Variants in HELZ observed in about 807,000 individuals in gnomAD.
The protein encoded by HELZ is ATP-dependent RNA helicase with zinc finger domain.
A neutral mutation model predicts 218.2 loss-of-function variants in HELZ; 23 were observed. That is an observed-to-expected ratio of 0.11 (90% CI 0.08 to 0.15). The LOEUF is 0.15. Among genes scored for constraint, HELZ ranks in the 10% least tolerant of loss-of-function variants. The pLI is 1.00. For missense variants in HELZ, 1,813 were observed against 2,353.7 expected (o/e 0.77, Z 4.75); for synonymous variants, 814 against 829.4 (o/e 0.98, Z 0.32).
intron 17 of HELZ, among the ~76,000 whole-genome samples, chr17:67,156,579 G>A (rs1327671115): frequency 1.3e-5 from 2 of 151,982 alleles, no homozygotes; most frequent in Non-Finnish European, 2.9e-5. Flanking sequence ...TACCTGACTT[G>A]GCAGCATGCA....
chr17:67,187,569 T>C (rs2039789864), intron 12 of HELZ, among the ~76,000 whole-genome samples: 1 of 152,236 alleles, frequency 6.6e-6, no homozygotes, highest in Non-Finnish European at 1.5e-5. Context: ...AAAAGCAAGT[T>C]TCACACAGCT....
At chr17:67,097,572 C>A (rs1374117761) in intron 31 of HELZ, among the ~76,000 whole-genome samples, 1 of 152,120 alleles carries the variant, frequency 6.6e-6, no homozygotes, top group Non-Finnish European at 1.5e-5. Context: ...TCCTATACAT[C>A]CATATACAAG....
Position 67,237,769 on chromosome 17 carries a change from ACT to A in HELZ, c.-19+1662_-19+1663del, listed in dbSNP as rs1247732138. Among the ~76,000 whole-genome samples, 8 of 150,026 alleles carry A rather than the reference ACT, an allele frequency of 5.3e-5. No homozygotes were observed. In the East Asian group the frequency reaches 6.0e-4, roughly 11 times the overall value. ...TTTGGGAGGCCAAGGCGGGTGGATCACTTGAGGTCAGGAGTTCGAGACCAGCC... is the reference window on the plus strand; with the variant it reads ...TTTGGGAGGCCAAGGCGGGTGGATCATGAGGTCAGGAGTTCGAGACCAGCC... On this transcript the variant is annotated intron_variant, in intron 3 of 32. Coordinates refer to ENST00000358691, the MANE Select transcript of HELZ (RefSeq NM_014877.4).
In HELZ at chr17:67,188,484, T is replaced by C. The variant is rs2039815922; in HGVS notation, c.997A>G (p.Ile333Val). The change falls in exon 12 of 33, where the codon ATA becomes GTA. Residue 333 changes from isoleucine to valine, a missense_variant. Around this residue, in one of 4 missense-constraint regions of HELZ, gnomAD observed 714 missense variants for 1,029.2 expected, o/e 0.69. Transcript: ENST00000358691. This position sits in a 1 kb window ranked among gnomAD's most constrained non-coding sequence, Gnocchi z 4.1. ...CCATTTTGGGCCATCTTTCCTCCTA[T>C]CCATTCTTGACAGTTTTCTGGGACT... is the stretch of plus-strand genomic sequence containing the variant. ...QEVPENCQEW[I>V]GGKMAQNGLD... 1.9e-6 allele frequency: 3 copies of C among 1,613,988 alleles called. No individual in the cohort carries two copies. The highest frequency in any genetic ancestry group is 1.1e-5 in the South Asian group (1 of 91,080).
chr17:67,103,111 A>G (rs553094432), intron 31 of HELZ, among the ~76,000 whole-genome samples: 2 of 152,318 alleles, frequency 1.3e-5, no homozygotes, highest in East Asian at 3.9e-4. Flanking sequence ...TAAAAACATC[A>G]TAAGTGATAT....
intron 21 of HELZ, among the ~76,000 whole-genome samples, chr17:67,143,537 C>T (rs2038399377): frequency 6.6e-6 from 1 of 151,962 alleles, no homozygotes; most frequent in African/African-American, 2.4e-5. Context: ...GATCACCTGA[C>T]CCCAGGAGGT....
intron 5 of HELZ, among the ~76,000 whole-genome samples, chr17:67,211,774 T>C (rs2040456903): frequency 6.6e-6 from 1 of 151,964 alleles, no homozygotes. Flanking sequence ...GACAGGAGAA[T>C]TGCTTGAGCC....
intron 24 of HELZ, among the ~76,000 whole-genome samples, chr17:67,125,203 T>C (rs770893330): frequency 6.4e-5 from 9 of 141,686 alleles, no homozygotes; most frequent in East Asian, 5.9e-4. Flanking sequence ...AAAAGCCTCA[T>C]GAAGTCAGAA....
intron 23 of HELZ, among the ~76,000 whole-genome samples, chr17:67,132,218 CTGTGTGTG>C (rs57691319): frequency 4.7e-5 from 7 of 147,876 alleles, no homozygotes; most frequent in African/African-American, 1.7e-4. Flanking sequence ...CCTTAGGTCA[CTGTGTGTG>C]TGTGTGTGTG....
chr17:67,140,180 C>T (rs536996513), intron 21 of HELZ, among the ~76,000 whole-genome samples: 2 of 152,186 alleles, frequency 1.3e-5, no homozygotes, highest in African/African-American at 4.8e-5. Flanking sequence ...GATGGAAGCA[C>T]CTGGATGGCA....
intron 3 of HELZ, among the ~76,000 whole-genome samples, chr17:67,223,502 G>A (rs1187969577): frequency 6.6e-6 from 1 of 152,164 alleles, no homozygotes; most frequent in African/African-American, 2.4e-5. Context: ...TGTAATCCCA[G>A]CACTTTGGGA....
rs1052288964 is a variant in HELZ, at chr17:67,077,128, T to C, written c.*1124A>G. ...AATTGAAAGACATGAAAAACAAGGG[T>C]AGTTTTCTGCCCCAGATTCTGATGA... On this transcript the variant is annotated 3_prime_UTR_variant, in exon 33 of 33. Transcript: ENST00000358691. The C allele has an allele frequency of 6.6e-6, 1 of 152,480 alleles. No individual in the cohort carries two copies. The highest frequency in any genetic ancestry group is 1.5e-5 in the Non-Finnish European group (1 of 68,002). The allele number at this position is 152,480 out of a possible 1,614,324, so 9.4% of individuals were successfully genotyped here. A position where few individuals can be genotyped will look rare whatever the true frequency, so the allele number is the denominator to read the frequency against.
intron 5 of HELZ, among the ~76,000 whole-genome samples, chr17:67,204,444 G>A (rs985627058): frequency 3.3e-5 from 5 of 152,068 alleles, no homozygotes; most frequent in Non-Finnish European, 7.4e-5. Flanking sequence ...ATGCCAACAT[G>A]ACAGTTTGTA....
At position 67,107,319 on chromosome 17, in the gene HELZ, A is replaced by G. The variant is rs771946504; in HGVS notation, c.5091T>C (p.Gly1697=). 56 of 1,614,126 alleles carry G rather than the reference A, an allele frequency of 3.5e-5. No individual in the cohort carries two copies. The highest frequency in any genetic ancestry group is 4.5e-5 in the Non-Finnish European group (53 of 1,180,030). ...GCAATGGAGGTAGGCCATAGGGAAA[A>G]CCTGGCCCCATTAGGTGATTCTGTT... The part of the protein sequence containing the change: ...NLQQNHLMGP[G]FPYGLPPLPH... Residue 1697 remains glycine (G), a synonymous_variant, in exon 31 of 33, where the codon GGT becomes GGC. Transcript: ENST00000358691.
intron 31 of HELZ, among the ~76,000 whole-genome samples, chr17:67,105,852 T>C (rs540125636): frequency 6.6e-6 from 1 of 152,330 alleles, no homozygotes; most frequent in South Asian, 2.1e-4. Flanking sequence ...TAATGACAGC[T>C]ATACAGAATG....
chr17:67,167,870 G>A (rs1286562649), intron 13 of HELZ, 74 bp from the exon 14 acceptor site: 2 of 1,010,766 alleles, frequency 2.0e-6, no homozygotes, highest in Non-Finnish European at 1.5e-6. Flanking sequence ...GTGAAACAAA[G>A]TAAATCAAAT....
chr17:67,119,172 G>C (rs1179271194), intron 27 of HELZ, among the ~76,000 whole-genome samples: 2 of 151,926 alleles, frequency 1.3e-5, no homozygotes, highest in African/African-American at 4.8e-5. Context: ...ATTTACCCAA[G>C]GGAAATAAAA....
At chr17:67,128,917 T>C (rs912694896) in intron 23 of HELZ, 62 bp from the exon 24 acceptor site, 10 of 1,225,146 alleles carry the variant, frequency 8.2e-6, no homozygotes, top group African/African-American at 6.0e-5. Flanking sequence ...GAAATGAATA[T>C]AAATAACTAA....
chr17:67,231,525 G>A (rs142607602), intron 3 of HELZ, among the ~76,000 whole-genome samples: 1,576 of 151,064 alleles, frequency 0.01, 30 homozygotes, highest in African/African-American at 0.036. Context: ...CCCGGGAGGC[G>A]GAGCTTGCAG....
Sources: allele counts gnomAD v4.1 joint callset (sites outside exome capture counted in the v4.1 genomes callset), GRCh38; gene constraint gnomAD v4.1.1; regional missense constraint gnomAD v4.1.1; non-coding constraint Gnocchi (gnomAD v3.1); transcripts MANE v1.5; gene names NCBI Gene and HGNC (gene_info 2026-07-23, HGNC 2026-07-21).